Variants in CHD1 observed in about 807,000 individuals in gnomAD.
The protein encoded by CHD1 is chromodomain helicase DNA binding protein 1.
CHD1 carries 36 observed loss-of-function variants against 224.2 expected under a neutral mutation model. That is an observed-to-expected ratio of 0.16 (90% CI 0.12 to 0.21). The LOEUF is 0.21. Ranked by LOEUF, CHD1 falls within the 10% of genes least tolerant of loss-of-function variation. The pLI is 1.00. For missense variants in CHD1, 1,378 were observed against 1,994.8 expected (o/e 0.69, Z 5.89); for synonymous variants, 668 against 658.3 (o/e 1.01, Z -0.23).
chr5:98,883,258 A>C (rs1304492315), intron 18 of CHD1, 21 bp from the exon 19 acceptor site: 1 of 1,532,236 alleles, frequency 6.5e-7, no homozygotes, highest in Admixed American at 2.2e-5. Flanking sequence ...TTGAATAATC[A>C]AAATGAAAAA....
intron 2 of CHD1, among the ~76,000 whole-genome samples, chr5:98,915,140 A>G (rs1448536628): frequency 6.6e-6 from 1 of 152,250 alleles, no homozygotes; most frequent in Non-Finnish European, 1.5e-5. Flanking sequence ...ACATAAATAC[A>G]AAGTTTGATG....
intron 18 of CHD1, 119 bp downstream of exon 18, chr5:98,885,459 C>G (rs554858969): frequency 1.5e-6 from 1 of 689,266 alleles, no homozygotes; most frequent in African/African-American, 1.8e-5. Context: ...TCAAAGGTGG[C>G]TAACACCACT....
rs1030015867 is a variant in CHD1, at chr5:98,868,852, AAG to A, written c.4108-219_4108-218del. 23 of 573,698 alleles carry A rather than the reference AAG, an allele frequency of 4.0e-5. No homozygotes were observed. The African/African-American group carries it at 4.4e-4, about 11-fold the overall frequency. 35.5% of individuals were successfully genotyped at this position (573,698 alleles called of 1,614,324 possible). A position where few individuals can be genotyped will look rare whatever the true frequency, so the allele number is the denominator to read the frequency against. ...ATGTTACTCTGAAGGTAAAGCATTA[AAG>A]AGTGTTCAGACCTACTATTCTCCTC... On this transcript the variant is annotated intron_variant, in intron 30 of 35. Coordinates refer to ENST00000614616, the MANE Select transcript of CHD1 (RefSeq NM_001270.4).
At chr5:98,899,791 C>T in intron 7 of CHD1, 86 bp from the exon 8 acceptor site, 1 of 846,518 alleles carries the variant, frequency 1.2e-6, no homozygotes, top group Non-Finnish European at 1.9e-6. Flanking sequence ...AATATGAGTA[C>T]AAAAATATAT....
At chr5:98,923,515 GGT>G (rs1226407637) in intron 2 of CHD1, among the ~76,000 whole-genome samples, 8 of 151,628 alleles carry the variant, frequency 5.3e-5, no homozygotes, top group African/African-American at 1.9e-4. Context: ...CTGCCTCCTG[GGT>G]TCAAGCAATT....
intron 2 of CHD1, among the ~76,000 whole-genome samples, chr5:98,919,742 T>C (rs1293631870): frequency 6.6e-6 from 1 of 152,194 alleles, no homozygotes; most frequent in Non-Finnish European, 1.5e-5. Context: ...TGAGATAATA[T>C]GTATACAGAC....
At chr5:98,863,853 A>C (rs907157331) in intron 31 of CHD1, among the ~76,000 whole-genome samples, 3 of 152,172 alleles carry the variant, frequency 2.0e-5, no homozygotes, top group Admixed American at 6.6e-5. Context: ...TTCTACAAAA[A>C]TGGTTATTTT....
rs1748261479 is a variant in CHD1, at chr5:98,859,026, T to C, written c.4525-11A>G. 6.4e-7 allele frequency: 1 copy of C among 1,566,692 alleles called. No homozygotes were observed. Among genetic ancestry groups the C allele is most frequent in the Non-Finnish European group, 8.6e-7 (1 of 1,164,314 alleles). ...TTGATCACTGTTTTGCTAAAATAAA[T>C]GCACACGTGTTAAGAATCTTTAGGT... On this transcript the variant is annotated splice_polypyrimidine_tract_variant and intron_variant, in intron 33 of 35. Transcript: ENST00000614616.
chr5:98,907,588 C>CA (rs34839165), intron 2 of CHD1, among the ~76,000 whole-genome samples: 45,102 of 87,078 alleles, frequency 0.52, 10,706 homozygotes, highest in African/African-American at 0.66. Context: ...AACTCCATCT[C>CA]AAAAAAAAAA....
At position 98,860,008 on chromosome 5, in the gene CHD1, T is replaced by A; in HGVS notation, c.4488A>T (p.Leu1496Phe). ...GCCGTTTTTTAATAGCATGCTTATATAATTTATGTAATTTTCTTGCATCAA... is the reference window on the plus strand; with the variant it reads ...GCCGTTTTTTAATAGCATGCTTATAAAATTTATGTAATTTTCTTGCATCAA... ...TEFDARKLHK[L>F]YKHAIKKRQE... The change falls in exon 33 of 36, where the codon TTA (leucine) becomes TTT (phenylalanine). Residue 1496 changes from leucine to phenylalanine, a missense_variant. Leu to Phe is a conservative substitution (Grantham distance 22). Transcript: ENST00000614616. The A allele has an allele frequency of 6.4e-7, 1 of 1,555,476 alleles. No individual in the cohort carries two copies. Among genetic ancestry groups the A allele is most frequent in the Non-Finnish European group, 8.7e-7 (1 of 1,147,992 alleles).
intron 2 of CHD1, among the ~76,000 whole-genome samples, chr5:98,907,375 G>A (rs1444485413): frequency 5.3e-5 from 8 of 152,102 alleles, no homozygotes; most frequent in Non-Finnish European, 8.8e-5. Flanking sequence ...GATCACCTGA[G>A]GTCGGGAGTT....
chr5:98,875,827 AC>A (rs1408455435), intron 24 of CHD1, among the ~76,000 whole-genome samples: 1 of 152,190 alleles, frequency 6.6e-6, no homozygotes, highest in East Asian at 1.9e-4. Context: ...CATATCCAAA[AC>A]TATTACATAA....
At chr5:98,923,994 A>C (rs1335424415) in intron 2 of CHD1, among the ~76,000 whole-genome samples, 1 of 152,148 alleles carries the variant, frequency 6.6e-6, no homozygotes, top group African/African-American at 2.4e-5. Flanking sequence ...GGCAGCTCAC[A>C]CCTGTAATCC....
chr5:98,911,243 T>C lies in CHD1; in HGVS notation c.54-6145A>G, dbSNP rs1468938461. 5.5e-5 allele frequency among the ~76,000 whole-genome samples: 8 copies of C among 146,592 alleles called. No individual in the cohort carries two copies. The Admixed American group carries it at 5.5e-4, about 10-fold the overall frequency. On this transcript the variant is annotated intron_variant, in intron 2 of 35. Coordinates refer to ENST00000614616, the MANE Select transcript of CHD1 (RefSeq NM_001270.4). ...GAGAGCCCACTTGAAGGGGCTTCCATTGACCAAATCTGATTTGAGCATAAA... is the reference window on the plus strand; with the variant it reads ...GAGAGCCCACTTGAAGGGGCTTCCACTGACCAAATCTGATTTGAGCATAAA...
chr5:98,911,143 AAAAATATAT>A (rs1431305027), intron 2 of CHD1, among the ~76,000 whole-genome samples: 1,883 of 112,378 alleles, frequency 0.017, 42 homozygotes, highest in African/African-American at 0.029. Flanking sequence ...AAAAAAAAAA[AAAAATATAT>A]ATATATATAT....
chr5:98,898,771 A>G lies in CHD1; in HGVS notation c.1086-7T>C, dbSNP rs1381855820. On this transcript the variant is annotated splice_region_variant and splice_polypyrimidine_tract_variant and intron_variant, in intron 8 of 35. Transcript: ENST00000614616. ...TGGAGAGGCATTTTTCAACCTGAAA[A>G]ATTATTAATCCAGGAATAGACTTAA... The G allele has an allele frequency of 5.4e-6, 8 of 1,483,142 alleles. No individual in the cohort carries two copies. The highest frequency in any genetic ancestry group is 6.6e-6 in the Non-Finnish European group (7 of 1,065,698). 91.9% of individuals were successfully genotyped at this position (1,483,142 alleles called of 1,614,324 possible). A position where few individuals can be genotyped will look rare whatever the true frequency, so the allele number is the denominator to read the frequency against.
intron 2 of CHD1, among the ~76,000 whole-genome samples, chr5:98,924,971 C>G (rs1753358713): frequency 6.6e-6 from 1 of 150,552 alleles, no homozygotes. Flanking sequence ...GAGCAAGACT[C>G]TGTCTCAAAA....
At chr5:98,893,291 A>C (rs1378323287) in intron 14 of CHD1, 125 bp downstream of exon 14, 1 of 572,656 alleles carries the variant, frequency 1.7e-6, no homozygotes, top group Admixed American at 3.8e-5. Context: ...TTTTTAAAAA[A>C]TTCTTAGTAA....
At chr5:98,899,781 A>C in intron 7 of CHD1, 76 bp from the exon 8 acceptor site, 1 of 981,988 alleles carries the variant, frequency 1.0e-6, no homozygotes, top group South Asian at 1.5e-5. Flanking sequence ...AAATTTCAAT[A>C]ATATGAGTAC....
Sources: gnomAD v4.1 joint callset for allele counts (sites outside exome capture counted in the v4.1 genomes callset) on GRCh38, gnomAD v4.1.1 for gene constraint, MANE v1.5 for transcripts, NCBI Gene and HGNC (gene_info 2026-07-23, HGNC 2026-07-21) for gene names.